The following TNNI3K variants were observed in gnomAD, a reference collection of about 807,000 sequenced individuals.
TNNI3K encodes the protein serine/threonine-protein kinase TNNI3K.
A neutral mutation model predicts 114.5 loss-of-function variants in TNNI3K; 140 were observed. The ratio of observed to expected loss-of-function variants is 1.22; its 90% CI spans 1.07 to 1.41. TNNI3K has a LOEUF of 1.41. TNNI3K is among the 40% of genes most tolerant of loss of function. The pLI is 0.00. For missense variants in TNNI3K, 1,125 were observed against 1,007.6 expected, an observed-to-expected ratio of 1.12 and a Z score of -1.58; for synonymous variants, 347 against 347.5, an observed-to-expected ratio of 1.00 and a Z score of 0.02.
chr1:74,389,178 T>G (rs1366336860), intron 17 of TNNI3K, among the ~76,000 whole-genome samples: 1 of 152,088 alleles, frequency 6.6e-6, no homozygotes. Flanking sequence ...CTGGAAGTAA[T>G]GAGTGTTGGA....
At chr1:74,343,205 C>G (rs746866891) in intron 9 of TNNI3K, 26 bp downstream of exon 9, 1 of 1,587,114 alleles carries the variant, frequency 6.3e-7, no homozygotes, top group South Asian at 1.1e-5. Flanking sequence ...AGTGCAATAG[C>G]CACTAAACTT....
chr1:74,321,959 A>G (rs1035491663), intron 5 of TNNI3K, among the ~76,000 whole-genome samples: 1 of 152,100 alleles, frequency 6.6e-6, no homozygotes, highest in African/African-American at 2.4e-5. Context: ...ATGGTTGTCA[A>G]GGAGTGGAGA....
intron 2 of TNNI3K, chr1:74,240,738 C>T (rs192321666): frequency 4.6e-5 from 7 of 151,742 alleles, no homozygotes; most frequent in African/African-American, 1.4e-4. Context: ...AAATTTAAAA[C>T]CATGAGAATA....
chr1:74,383,869 A>G (rs1308149956), intron 17 of TNNI3K, among the ~76,000 whole-genome samples: 3 of 152,110 alleles, frequency 2.0e-5, no homozygotes, highest in South Asian at 4.1e-4. Context: ...TTGAATACAT[A>G]ATGACAGAAA....
At chr1:74,443,575 G>A (rs1666482754) in intron 20 of TNNI3K, among the ~76,000 whole-genome samples, 1 of 152,108 alleles carries the variant, frequency 6.6e-6, no homozygotes, top group African/African-American at 2.4e-5. Context: ...AATTCTACCT[G>A]AGGTACAAAG....
chr1:74,535,500 A>T (rs1646649922), intron 23 of TNNI3K, among the ~76,000 whole-genome samples: 1 of 152,064 alleles, frequency 6.6e-6, no homozygotes. Flanking sequence ...GAATCACAGA[A>T]TGTAAGAAAT....
At chr1:74,487,391 A>T (rs1169554966) in intron 21 of TNNI3K, among the ~76,000 whole-genome samples, 1 of 152,210 alleles carries the variant, frequency 6.6e-6, no homozygotes, top group Non-Finnish European at 1.5e-5. Flanking sequence ...CAAAATAGCC[A>T]TCCGAAGTGT....
chr1:74,435,382 G>A (rs1217309154), intron 17 of TNNI3K, among the ~76,000 whole-genome samples: 1 of 152,120 alleles, frequency 6.6e-6, no homozygotes, highest in East Asian at 1.9e-4. Flanking sequence ...CCATAATCAG[G>A]CTAATTAACA....
intron 21 of TNNI3K, among the ~76,000 whole-genome samples, chr1:74,488,444 G>C (rs1482047211): frequency 6.6e-6 from 1 of 152,172 alleles, no homozygotes; most frequent in Non-Finnish European, 1.5e-5. Context: ...CCTCCTGGCA[G>C]TGAAAGTTTC....
intron 17 of TNNI3K, among the ~76,000 whole-genome samples, chr1:74,406,443 G>A (rs1207608460): frequency 2.0e-5 from 3 of 152,188 alleles, no homozygotes; most frequent in African/African-American, 7.2e-5. Flanking sequence ...CTGCTCTAGA[G>A]GTTGCAATCC....
At chr1:74,510,612 G>A (rs920506103) in intron 23 of TNNI3K, among the ~76,000 whole-genome samples, 2 of 152,144 alleles carry the variant, frequency 1.3e-5, no homozygotes, top group Non-Finnish European at 1.5e-5. Context: ...TCTATAATTT[G>A]TTCAAAACTA....
rs1018636385 is a variant in TNNI3K at position 74,327,485 on chromosome 1, A to G, written c.445-3965A>G. On this transcript the variant is annotated intron_variant, in intron 5 of 24. Transcript: ENST00000326637. ...ATATATCTCAGTATTATTCTTATATATGTATTTCAGTAGTAGCATTTAATA... is the reference window on the plus strand; with the variant it reads ...ATATATCTCAGTATTATTCTTATATGTGTATTTCAGTAGTAGCATTTAATA... Among the ~76,000 whole-genome samples the G allele has an allele frequency of 9.5e-5, 14 of 147,106 alleles. No individual in the cohort carries two copies. The East Asian group carries it at 2.2e-3, about 23-fold the overall frequency.
At chr1:74,435,490 G>C (rs534548783) in intron 17 of TNNI3K, among the ~76,000 whole-genome samples, 1 of 152,102 alleles carries the variant, frequency 6.6e-6, no homozygotes, top group African/African-American at 2.4e-5. Flanking sequence ...ATTCTTGGTT[G>C]AAGGGGGACT....
At chr1:74,245,895 A>T (rs1050331539) in intron 2 of TNNI3K, among the ~76,000 whole-genome samples, 5 of 152,134 alleles carry the variant, frequency 3.3e-5, no homozygotes, top group African/African-American at 1.2e-4. Flanking sequence ...AAACACATAG[A>T]CATGCTTACT....
chr1:74,475,696 AG>A lies in TNNI3K; in HGVS notation c.2121+12150del. 2.8e-6 allele frequency: 2 copies of A among 709,266 alleles called. 1 individual carries two copies. Among genetic ancestry groups the A allele is most frequent in the South Asian group, 3.0e-5 (2 of 66,768 alleles). 43.9% of individuals were successfully genotyped at this position (709,266 alleles called of 1,614,324 possible). ...GTAATTTCTTGCCTCATGAGCACAC[AG>A]GGGTTCATCGAAGGTTCTGCAACAA... On this transcript the variant is annotated intron_variant, in intron 21 of 24. Coordinates refer to ENST00000326637, the MANE Select transcript of TNNI3K (RefSeq NM_015978.3).
At chr1:74,418,635 A>G (rs80237727) in intron 17 of TNNI3K, among the ~76,000 whole-genome samples, 10,544 of 152,102 alleles carry the variant, frequency 0.069, 431 homozygotes, top group African/African-American at 0.1. Flanking sequence ...AATGGTTGGC[A>G]TTTACAGCTC....
chr1:74,403,782 G>T (rs1003913648), intron 17 of TNNI3K, among the ~76,000 whole-genome samples: 1 of 152,100 alleles, frequency 6.6e-6, no homozygotes. Context: ...AAGAATTCTT[G>T]TACATAGTTA....
At chr1:74,406,541 C>G (rs1416571020) in intron 17 of TNNI3K, among the ~76,000 whole-genome samples, 13 of 152,154 alleles carry the variant, frequency 8.5e-5, no homozygotes, top group Admixed American at 8.5e-4. Flanking sequence ...TTTACTGTGT[C>G]TCTTCTGCCT....
At chr1:74,478,294 AAACTT>A (rs1279338295) in intron 21 of TNNI3K, among the ~76,000 whole-genome samples, 1 of 152,188 alleles carries the variant, frequency 6.6e-6, no homozygotes, top group Non-Finnish European at 1.5e-5. Context: ...ATTCACACCA[AAACTT>A]AACATATATG....
Sources: gnomAD v4.1 joint callset for allele counts (sites outside exome capture counted in the v4.1 genomes callset) on GRCh38, gnomAD v4.1.1 for gene constraint, MANE v1.5 for transcripts, NCBI Gene and HGNC (gene_info 2026-07-23, HGNC 2026-07-21) for gene names.